The following ULK2 variants were observed in gnomAD, a reference collection of about 807,000 sequenced individuals.
ULK2 encodes unc-51 like autophagy activating kinase 2, also known as serine/threonine-protein kinase ULK2.
In ULK2, 76 loss-of-function variants were observed where a neutral mutation model predicts 127.5. The ratio of observed to expected loss-of-function variants is 0.60; its 90% CI spans 0.50 to 0.72. ULK2 has a LOEUF of 0.72. ULK2 is among the 30% of genes least tolerant of loss of function. The probability of loss-of-function intolerance (pLI) is 0.00; values close to 1 mark genes in which losing one functional copy is unlikely to be tolerated. For missense variants in ULK2, 1,144 were observed against 1,295.9 expected (o/e 0.88, Z 1.80); for synonymous variants, 452 against 461.9 (o/e 0.98, Z 0.28).
At position 19,786,085 on chromosome 17, in the gene ULK2, A is replaced by G; in HGVS notation, c.2103T>C (p.Ala701=). 2 of 1,559,646 alleles carry G rather than the reference A, an allele frequency of 1.3e-6. No homozygotes were observed. Among genetic ancestry groups the G allele is most frequent in the Non-Finnish European group, 8.6e-7 (1 of 1,161,116 alleles). Residue 701 remains alanine (A), a splice_region_variant and synonymous_variant, in exon 21 of 27, where the codon GCT becomes GCC. Coordinates refer to ENST00000395544, the MANE Select transcript of ULK2 (RefSeq NM_014683.4). Reference sequence around the variant, plus strand: ...GAACACCACCACAGGCTCCTGCCGGAGCTACAACAAAAAGTTTATAGAAGG... The same window carrying G: ...GAACACCACCACAGGCTCCTGCCGGGGCTACAACAAAAAGTTTATAGAAGG... ...SLNTERPMDI[A]PAGACGGVLA... is the part of the protein sequence containing the mutation.
chr17:19,851,406 G>C (rs1189270204), intron 3 of ULK2, among the ~76,000 whole-genome samples: 1 of 151,010 alleles, frequency 6.6e-6, no homozygotes, highest in Non-Finnish European at 1.5e-5. Context: ...GGGAGGCCAA[G>C]GTGGGCAGAT....
chr17:19,836,104 T>TAAA (rs56884283), intron 10 of ULK2, among the ~76,000 whole-genome samples: 1 of 118,106 alleles, frequency 8.5e-6, no homozygotes, highest in Admixed American at 8.6e-5. Flanking sequence ...CCATCTCTAC[T>TAAA]AAAAAAAAAA....
rs117532480 is a variant in ULK2 at position 19,839,090 on chromosome 17, G to C, written c.705-507C>G. On this transcript the variant is annotated intron_variant, in intron 9 of 26. Transcript: ENST00000395544. ...TGCCTTTGAGAAACAGCATCAAATT[G>C]AGAAGATTCCTGTATTGTGCTTGCT... is the stretch of plus-strand genomic sequence containing the variant. Among the ~76,000 whole-genome samples the C allele has an allele frequency of 4.8e-3, 729 of 151,920 alleles. 24 individuals are homozygous for C. In the East Asian group the frequency reaches 0.089, roughly 19 times the overall value.
chr17:19,816,490 T>C (rs2040991529), intron 13 of ULK2: 2 of 249,444 alleles, frequency 8.0e-6, no homozygotes, highest in African/African-American at 4.4e-5. Context: ...TATTTCTTTC[T>C]GTTTGGATAC....
chr17:19,816,907 A>C lies in ULK2; in HGVS notation c.938T>G (p.Met313Arg). Residue 313 changes from methionine to arginine, a missense_variant, in exon 13 of 27, where the codon ATG becomes AGG. By Grantham distance (91) the Met-to-Arg change is moderately conservative (BLOSUM62 -1). Transcript: ENST00000395544. The stretch of plus-strand genomic sequence containing the variant: ...TAAGTTTTCTTCCTGAATATGCTGC[A>C]TATCTGGAAGGGACTAAAATTAACA... ...RFASPPSLPD[M>R]QHIQEENLSS... 1 of 1,605,680 alleles carries C rather than the reference A, an allele frequency of 6.2e-7. No homozygotes were observed. The highest frequency in any genetic ancestry group is 8.5e-7 in the Non-Finnish European group (1 of 1,177,560).
chr17:19,799,596 A>AG (rs2087352000), intron 16 of ULK2, 21 bp from the exon 17 acceptor site: 2 of 1,510,012 alleles, frequency 1.3e-6, no homozygotes, highest in African/African-American at 2.8e-5. Context: ...AAAAAAAAAA[A>AG]AGATGGGGAA....
rs140438310 is a variant in ULK2, at chr17:19,858,066, G to T, written c.225+6737C>A. Among the ~76,000 whole-genome samples the T allele has an allele frequency of 2.6e-5, 4 of 151,888 alleles. No individual in the cohort carries two copies. The South Asian group carries it at 6.2e-4, about 24-fold the overall frequency. ...CTAGGCCCCATATTGTTCAAACCTCGCCAAGAGCTCTCCCTTACAGCACTT... is the reference window on the plus strand; with the variant it reads ...CTAGGCCCCATATTGTTCAAACCTCTCCAAGAGCTCTCCCTTACAGCACTT... On this transcript the variant is annotated intron_variant, in intron 3 of 26. Coordinates refer to ENST00000395544, the MANE Select transcript of ULK2 (RefSeq NM_014683.4).
At chr17:19,781,242 CTTTT>C (rs200296663) in intron 23 of ULK2, 138 bp from the exon 24 acceptor site, 1,873 of 468,016 alleles carry the variant, frequency 4.0e-3, no homozygotes, top group East Asian at 6.0e-3. Flanking sequence ...TCTTTCTTTT[CTTTT>C]TTTTTTTTTT....
At chr17:19,849,600 A>G (rs912318961) in intron 4 of ULK2, 142 bp downstream of exon 4, 4 of 831,708 alleles carry the variant, frequency 4.8e-6, no homozygotes, top group Non-Finnish European at 5.5e-6. Context: ...CTTTATTAAT[A>G]CAAAAATTCA....
At chr17:19,856,466 C>T (rs1314934284) in intron 3 of ULK2, among the ~76,000 whole-genome samples, 1 of 151,314 alleles carries the variant, frequency 6.6e-6, no homozygotes, top group East Asian at 2.0e-4. Context: ...CCTGTAGTCC[C>T]AGCTACTCAG....
At chr17:19,854,320 T>G in intron 3 of ULK2, among the ~76,000 whole-genome samples, 1 of 151,464 alleles carries the variant, frequency 6.6e-6, no homozygotes. Context: ...TCTAGCTTCC[T>G]GATCTAACAC....
At chr17:19,834,430 A>G (rs892935072) in intron 10 of ULK2, among the ~76,000 whole-genome samples, 3 of 152,092 alleles carry the variant, frequency 2.0e-5, no homozygotes, top group Non-Finnish European at 4.4e-5. Context: ...TGTAACATAC[A>G]AAGATTAATA....
intron 3 of ULK2, among the ~76,000 whole-genome samples, chr17:19,864,205 C>T (rs2042305524): frequency 1.3e-5 from 2 of 152,164 alleles, no homozygotes; most frequent in African/African-American, 2.4e-5. Flanking sequence ...CAGTGGCTCA[C>T]GCCTGTAATC....
intron 3 of ULK2, among the ~76,000 whole-genome samples, chr17:19,856,689 A>G (rs1597819442): frequency 6.7e-6 from 1 of 148,338 alleles, no homozygotes; most frequent in South Asian, 2.2e-4. Context: ...AACGAGTTTT[A>G]CGGCCGGGTG....
intron 8 of ULK2, 86 bp downstream of exon 8, chr17:19,843,035 C>T: frequency 8.6e-7 from 1 of 1,157,734 alleles, no homozygotes; most frequent in Non-Finnish European, 1.3e-6. Context: ...ACACTGCTTT[C>T]AAAGTATTCT....
intron 21 of ULK2, among the ~76,000 whole-genome samples, chr17:19,785,697 ATATATT>A (rs1227353464): frequency 1.3e-5 from 2 of 151,884 alleles, no homozygotes; most frequent in African/African-American, 4.8e-5. Flanking sequence ...CATATACAAC[ATATATT>A]TATATTTTAA....
chr17:19,774,502 GA>G lies in ULK2; in HGVS notation c.*1846del, dbSNP rs1341441733. ...AACCTACAACTGAGATAACACAGGT[GA>G]TAACTGAAAGAACATGAATGAAATT... On this transcript the variant is annotated 3_prime_UTR_variant, in exon 27 of 27. Coordinates refer to ENST00000395544, the MANE Select transcript of ULK2 (RefSeq NM_014683.4). 2.0e-5 allele frequency: 3 copies of G among 152,178 alleles called. No homozygotes were observed. The highest frequency in any genetic ancestry group is 4.4e-5 in the Non-Finnish European group (3 of 68,026). 9.4% of individuals were successfully genotyped at this position (152,178 alleles called of 1,614,324 possible).
intron 10 of ULK2, among the ~76,000 whole-genome samples, chr17:19,830,817 C>G (rs540411692): frequency 6.6e-6 from 1 of 152,058 alleles, no homozygotes; most frequent in Non-Finnish European, 1.5e-5. Context: ...CGCTTGAGAA[C>G]AGAAGTTCAA....
chr17:19,833,760 A>G (rs2041522665), intron 10 of ULK2, among the ~76,000 whole-genome samples: 2 of 152,254 alleles, frequency 1.3e-5, no homozygotes, highest in Non-Finnish European at 1.5e-5. Context: ...AGATATTTCC[A>G]ATCTGAAAAA....
Sources: gnomAD v4.1 joint callset for allele counts (sites outside exome capture counted in the v4.1 genomes callset) on GRCh38, gnomAD v4.1.1 for gene constraint, MANE v1.5 for transcripts, NCBI Gene and HGNC (gene_info 2026-07-23, HGNC 2026-07-21) for gene names.